Variants in TTLL7 observed in about 807,000 individuals in gnomAD.
The protein encoded by TTLL7 is tubulin tyrosine ligase like 7.
A neutral mutation model predicts 120.2 loss-of-function variants in TTLL7; 53 were observed. The ratio of observed to expected loss-of-function variants is 0.44; its 90% CI spans 0.35 to 0.55. TTLL7 has a LOEUF of 0.55. Ranked by LOEUF, TTLL7 falls within the 20% of genes least tolerant of loss-of-function variation. The pLI is 0.00. For synonymous variants in TTLL7, 353 were observed against 351.7 expected, an observed-to-expected ratio of 1.00 and a Z score of -0.04; for missense variants, 803 against 1,054.7, an observed-to-expected ratio of 0.76 and a Z score of 3.31.
chr1:83,881,011 A>C (rs543984203), intron 20 of TTLL7, among the ~76,000 whole-genome samples: 1 of 152,156 alleles, frequency 6.6e-6, no homozygotes, highest in South Asian at 2.1e-4. Flanking sequence ...TATTTAATAA[A>C]TGGTGCTGGG....
At chr1:83,977,220 G>A (rs1557783719) in intron 1 of TTLL7, among the ~76,000 whole-genome samples, 2 of 151,832 alleles carry the variant, frequency 1.3e-5, no homozygotes, top group Non-Finnish European at 2.9e-5. Context: ...ATAAATTTCA[G>A]TAACACAGAA....
At chr1:83,892,936 AAG>A (rs1655879783) in intron 18 of TTLL7, among the ~76,000 whole-genome samples, 3 of 114,250 alleles carry the variant, frequency 2.6e-5, no homozygotes, top group Non-Finnish European at 3.2e-5. Flanking sequence ...AAGAGAAAGA[AAG>A]AAAGAAAGAA....
At chr1:83,933,856 G>C (rs1659801874) in intron 8 of TTLL7, 90 bp from the exon 9 acceptor site, 3 of 1,302,672 alleles carry the variant, frequency 2.3e-6, no homozygotes, top group Non-Finnish European at 3.2e-6. Flanking sequence ...TGGCAGCCTG[G>C]CCAAGTTTAC....
intron 1 of TTLL7, among the ~76,000 whole-genome samples, chr1:83,958,386 A>T (rs1414695861): frequency 6.6e-6 from 1 of 152,216 alleles, no homozygotes; most frequent in Non-Finnish European, 1.5e-5. Context: ...AGAGAAAAAT[A>T]ACAAATGTAA....
chr1:83,874,386 T>C (rs1253568980), intron 20 of TTLL7, among the ~76,000 whole-genome samples: 3 of 152,052 alleles, frequency 2.0e-5, no homozygotes, highest in African/African-American at 7.2e-5. Context: ...TGGGCATGGG[T>C]TGTTTCCATC....
chr1:83,921,182 C>A, intron 11 of TTLL7, 22 bp from the exon 12 acceptor site: 1 of 1,609,802 alleles, frequency 6.2e-7, no homozygotes, highest in Middle Eastern at 1.7e-4. Context: ...AAAAATTTTA[C>A]AAATAAAATC....
At chr1:83,931,047 A>G (rs1344278518) in intron 9 of TTLL7, among the ~76,000 whole-genome samples, 2 of 151,502 alleles carry the variant, frequency 1.3e-5, no homozygotes, top group South Asian at 2.1e-4. Flanking sequence ...GAAAAAAAAT[A>G]AAAGAAAAAC....
chr1:83,896,110 G>T (rs985794031), intron 18 of TTLL7, among the ~76,000 whole-genome samples: 2 of 152,062 alleles, frequency 1.3e-5, no homozygotes, highest in African/African-American at 2.4e-5. Flanking sequence ...GTCCTTTGGG[G>T]ATTGAAGAAA....
chr1:83,870,083 C>T lies in TTLL7; in HGVS notation c.2544-1G>A, dbSNP rs1332312270. 2 of 1,540,280 alleles carry T rather than the reference C, an allele frequency of 1.3e-6. No individual in the cohort carries two copies. Among genetic ancestry groups the T allele is most frequent in the Non-Finnish European group, 1.7e-6 (2 of 1,152,860 alleles). Reference sequence around the variant, plus strand: ...TTGGGTGCTCCCTGGTAGTAAATACCTAAAAATGATGGTTAACAAATTAGA... The same window carrying T: ...TTGGGTGCTCCCTGGTAGTAAATACTTAAAAATGATGGTTAACAAATTAGA... On this transcript the variant is annotated splice_acceptor_variant, in intron 20 of 20. Transcript: ENST00000260505. LOFTEE classifies it high-confidence loss of function.
intron 1 of TTLL7, among the ~76,000 whole-genome samples, chr1:83,976,033 C>CTCTCTCTG (rs1241354482): frequency 3.7e-4 from 55 of 147,928 alleles, no homozygotes; most frequent in African/African-American, 1.3e-3. Flanking sequence ...TTGTCTCTCT[C>CTCTCTCTG]TGTGTGTGTG....
At chr1:83,948,574 G>C in intron 5 of TTLL7, 54 bp downstream of exon 5, 2 of 1,148,560 alleles carry the variant, frequency 1.7e-6, no homozygotes, top group South Asian at 1.3e-5. Flanking sequence ...CACTACAGTA[G>C]TTATGGTATA....
chr1:83,878,492 G>A (rs775830802), intron 20 of TTLL7, among the ~76,000 whole-genome samples: 5 of 151,780 alleles, frequency 3.3e-5, no homozygotes, highest in Non-Finnish European at 5.9e-5. Flanking sequence ...CAGCATCTTT[G>A]GCAGGCCCTG....
chr1:83,987,968 T>C (rs1439543601), intron 1 of TTLL7, among the ~76,000 whole-genome samples: 3 of 152,196 alleles, frequency 2.0e-5, no homozygotes, highest in African/African-American at 4.8e-5. Context: ...TGGGGTATAA[T>C]TGATTCCATC....
chr1:83,939,655 T>C (rs1647748502), intron 7 of TTLL7, among the ~76,000 whole-genome samples: 1 of 152,154 alleles, frequency 6.6e-6, no homozygotes, highest in African/African-American at 2.4e-5. Context: ...TAAATTGGTG[T>C]ACACAAAATT....
At chr1:83,931,666 G>A (rs1557671164) in intron 9 of TTLL7, among the ~76,000 whole-genome samples, 1 of 151,332 alleles carries the variant, frequency 6.6e-6, no homozygotes, top group African/African-American at 2.4e-5. Flanking sequence ...GTAGGTTCCT[G>A]TTTAATTTAA....
chr1:83,934,097 A>T (rs1647202381), intron 8 of TTLL7, among the ~76,000 whole-genome samples: 1 of 152,186 alleles, frequency 6.6e-6, no homozygotes. Context: ...AGTTAAAAGC[A>T]GCCACCCTTC....
At chr1:83,901,325 T>C (rs1571121246) in intron 18 of TTLL7, among the ~76,000 whole-genome samples, 2 of 152,172 alleles carry the variant, frequency 1.3e-5, no homozygotes, top group East Asian at 3.9e-4. Flanking sequence ...TGCAATTATA[T>C]GAAGTTTGTT....
At chr1:83,957,528 A>T (rs1160653219) in intron 1 of TTLL7, among the ~76,000 whole-genome samples, 1 of 152,176 alleles carries the variant, frequency 6.6e-6, no homozygotes, top group Non-Finnish European at 1.5e-5. Context: ...TAGTCCACCC[A>T]ACAAATACCC....
At chr1:83,932,200 GT>G (rs1418131227) in intron 9 of TTLL7, among the ~76,000 whole-genome samples, 1 of 152,084 alleles carries the variant, frequency 6.6e-6, no homozygotes, top group East Asian at 1.9e-4. Context: ...TATCTATAAA[GT>G]CATTATTTCC....
Sources: gnomAD v4.1 joint callset for allele counts (sites outside exome capture counted in the v4.1 genomes callset) on GRCh38, gnomAD v4.1.1 for gene constraint, MANE v1.5 for transcripts, NCBI Gene and HGNC (gene_info 2026-07-23, HGNC 2026-07-21) for gene names.